The following TXLNB variants were observed in gnomAD, a reference collection of about 807,000 sequenced individuals.
TXLNB encodes beta-taxilin.
A neutral mutation model predicts 57.4 loss-of-function variants in TXLNB; 37 were observed. The ratio of observed to expected loss-of-function variants is 0.64; its 90% CI spans 0.50 to 0.85. The LOEUF (loss-of-function observed/expected upper bound fraction) is 0.85. TXLNB is among the 40% of genes least tolerant of loss of function. TXLNB has a pLI of 0.00. For missense variants in TXLNB, 848 were observed against 825.6 expected, an observed-to-expected ratio of 1.03 and a Z score of -0.33; for synonymous variants, 302 against 309.6, an observed-to-expected ratio of 0.98 and a Z score of 0.26.
At chr6:139,286,926 A>G (rs933598930) in intron 2 of TXLNB, 3 of 155,898 alleles carry the variant, frequency 1.9e-5, no homozygotes, top group Non-Finnish European at 4.2e-5. Context: ...TCATTTCATT[A>G]TATCTTACAA....
At chr6:139,174,622 A>G in the TXLNB span, 5 of 1,539,558 alleles carry the variant, frequency 3.2e-6, no homozygotes, top group South Asian at 6.3e-5. Context: ...GCGTCTGGCA[A>G]TAAAGAAGAA....
At chr6:139,206,783 T>C in the TXLNB span, among the ~76,000 whole-genome samples, 1 of 151,856 alleles carries the variant, frequency 6.6e-6, no homozygotes, top group East Asian at 1.9e-4. Flanking sequence ...CACATAGACT[T>C]AAGGTAAAGG....
the TXLNB span, among the ~76,000 whole-genome samples, chr6:139,202,052 A>T: frequency 6.6e-6 from 1 of 152,232 alleles, no homozygotes; most frequent in East Asian, 1.9e-4. Context: ...TTTGATTGAA[A>T]TGATGCCATA....
intron 1 of TXLNB, among the ~76,000 whole-genome samples, chr6:139,290,482 G>C (rs3923068): frequency 0.024 from 3,709 of 152,114 alleles, 151 homozygotes; most frequent in African/African-American, 0.084. Context: ...TTTTAAAAGA[G>C]AAAAACAGAT....
At chr6:139,160,326 T>A in the TXLNB span, among the ~76,000 whole-genome samples, 1 of 152,256 alleles carries the variant, frequency 6.6e-6, no homozygotes, top group Non-Finnish European at 1.5e-5. Context: ...TTTAGATTAA[T>A]GCGCCAAGGG....
chr6:139,288,276 G>A (rs550109950), intron 2 of TXLNB, among the ~76,000 whole-genome samples, 200 bp downstream of exon 2: 2 of 152,278 alleles, frequency 1.3e-5, no homozygotes, highest in South Asian at 4.1e-4. Flanking sequence ...CGGAACAAAG[G>A]GTCAATGGGT....
the TXLNB span, chr6:139,170,088 GT>G: frequency 6.6e-6 from 1 of 152,030 alleles, no homozygotes; most frequent in East Asian, 1.9e-4. Flanking sequence ...TTGTGTTTTT[GT>G]TTTTTTATCC....
the TXLNB span, among the ~76,000 whole-genome samples, chr6:139,215,227 A>G: frequency 1.3e-5 from 2 of 149,028 alleles, no homozygotes; most frequent in Non-Finnish European, 3.0e-5. Flanking sequence ...ACTTCAAACT[A>G]TACGACAAGG....
chr6:139,182,436 G>A, the TXLNB span, among the ~76,000 whole-genome samples: 1 of 152,292 alleles, frequency 6.6e-6, no homozygotes, highest in East Asian at 1.9e-4. Flanking sequence ...TAAGCAATTA[G>A]TTTAATGGAA....
At chr6:139,233,397 AT>A in the TXLNB span, among the ~76,000 whole-genome samples, 13 of 136,584 alleles carry the variant, frequency 9.5e-5, no homozygotes, top group Admixed American at 9.7e-4. Flanking sequence ...ATAAATATAT[AT>A]TTTTATATAA....
rs1776408996 is a variant in TXLNB, at chr6:139,258,813, TG to T, written c.1002+1504del. On this transcript the variant is annotated intron_variant, in intron 6 of 9. Coordinates refer to ENST00000358430, the MANE Select transcript of TXLNB (RefSeq NM_153235.4). ...GCACCGTCACAGAGAGTGTGGGCTT[TG>T]GGAACAGACGCACATAAGATCAAAA... Among the ~76,000 whole-genome samples, 3 of 152,300 alleles carry T rather than the reference TG, an allele frequency of 2.0e-5. No homozygotes were observed. In the South Asian group the frequency reaches 6.2e-4, roughly 32 times the overall value.
At chr6:139,219,831 C>T in the TXLNB span, among the ~76,000 whole-genome samples, 2 of 152,186 alleles carry the variant, frequency 1.3e-5, no homozygotes, top group African/African-American at 2.4e-5. Context: ...TTTGTTATAC[C>T]TATGAGCTGG....
the TXLNB span, among the ~76,000 whole-genome samples, chr6:139,220,227 T>A: frequency 6.6e-6 from 1 of 152,200 alleles, no homozygotes; most frequent in African/African-American, 2.4e-5. Context: ...ACACACTGAA[T>A]CTGCTGGTAC....
upstream of TXLNB, among the ~76,000 whole-genome samples, chr6:139,293,458 C>T (rs1207764803): frequency 2.6e-5 from 4 of 151,994 alleles, no homozygotes; most frequent in Admixed American, 2.0e-4. Context: ...ATTTGATGAC[C>T]TCAGCATAGG....
At chr6:139,323,888 T>G in the TXLNB span, among the ~76,000 whole-genome samples, 5,289 of 152,222 alleles carry the variant, frequency 0.035, 287 homozygotes, top group African/African-American at 0.12. Flanking sequence ...CAGGGGACAG[T>G]CAACAGATTG....
chr6:139,220,407 G>T, the TXLNB span, among the ~76,000 whole-genome samples: 3 of 152,166 alleles, frequency 2.0e-5, no homozygotes, highest in Non-Finnish European at 2.9e-5. Context: ...ACTGGGATTT[G>T]TTTTTTGCTA....
chr6:139,259,744 G>C (rs947054843), intron 6 of TXLNB, among the ~76,000 whole-genome samples: 22 of 152,140 alleles, frequency 1.4e-4, no homozygotes, highest in African/African-American at 5.1e-4. Flanking sequence ...TCACGGCTAT[G>C]TCCCCGCACC....
intron 1 of TXLNB, among the ~76,000 whole-genome samples, chr6:139,289,490 G>A (rs565097661): frequency 6.6e-6 from 1 of 152,322 alleles, no homozygotes; most frequent in African/African-American, 2.4e-5. Context: ...CTTTAACTGG[G>A]TGTCTGAAGG....
At chr6:139,239,895 C>T (rs1443142247), downstream of TXLNB, among the ~76,000 whole-genome samples, 1 of 151,996 alleles carries the variant, frequency 6.6e-6, no homozygotes, top group Non-Finnish European at 1.5e-5. This position sits in a 1 kb window ranked among gnomAD's most constrained non-coding sequence, Gnocchi z 4.7. Context: ...CCCCCGCCCC[C>T]AATATCTTCA....
Sources: allele counts gnomAD v4.1 joint callset (sites outside exome capture counted in the v4.1 genomes callset), GRCh38; gene constraint gnomAD v4.1.1; non-coding constraint Gnocchi (gnomAD v3.1); transcripts MANE v1.5; gene names NCBI Gene and HGNC (gene_info 2026-07-23, HGNC 2026-07-21).